The following WDR49 variants were observed in gnomAD, a reference collection of about 807,000 sequenced individuals.
WDR49 encodes cilia- and flagella-associated protein 337.
Under a neutral mutation model 119.5 loss-of-function variants are expected in WDR49, and 107 were observed. That is an observed-to-expected ratio of 0.90 (90% CI 0.77 to 1.05). The LOEUF is 1.05. Ranked by LOEUF, WDR49 falls within the 50% of genes least tolerant of loss-of-function variation. The pLI, the probability that WDR49 is intolerant of heterozygous loss-of-function variation, is 0.00. For synonymous variants in WDR49, 425 were observed against 418.8 expected (o/e 1.01, Z -0.18); for missense variants, 1,240 against 1,220.5 (o/e 1.02, Z -0.24).
intron 7 of WDR49, 61 bp downstream of exon 7, chr3:167,602,066 T>C (rs1337901924): frequency 6.6e-7 from 1 of 1,503,898 alleles, no homozygotes; most frequent in Non-Finnish European, 9.0e-7. Context: ...GATCCCAGAG[T>C]TGATTTGGGT....
At chr3:167,535,243 G>A (rs1311594940) in intron 11 of WDR49, among the ~76,000 whole-genome samples, 1 of 152,118 alleles carries the variant, frequency 6.6e-6, no homozygotes, top group Admixed American at 6.6e-5. Flanking sequence ...AGAAGAGCAA[G>A]TGCTGCTTCT....
intron 17 of WDR49, among the ~76,000 whole-genome samples, chr3:167,503,817 C>T (rs1314493569): frequency 6.6e-6 from 1 of 152,216 alleles, no homozygotes; most frequent in Non-Finnish European, 1.5e-5. Context: ...GCAGAGCTCC[C>T]ATACAAAGGG....
At chr3:167,546,713 T>C (rs1473564597) in intron 10 of WDR49, among the ~76,000 whole-genome samples, 1 of 135,948 alleles carries the variant, frequency 7.4e-6, no homozygotes. Flanking sequence ...AAAAGAAAAA[T>C]ATTTAAAACC....
chr3:167,568,167 C>T (rs560383261), intron 8 of WDR49, among the ~76,000 whole-genome samples: 2 of 152,236 alleles, frequency 1.3e-5, no homozygotes, highest in South Asian at 4.1e-4. Flanking sequence ...AGGCAGCAAT[C>T]CTTTCTTCTC....
intron 6 of WDR49, among the ~76,000 whole-genome samples, chr3:167,604,032 A>T (rs558007672): frequency 5.3e-4 from 81 of 152,086 alleles, no homozygotes; most frequent in South Asian, 2.5e-3. Context: ...TTCCTTCTCT[A>T]TATCATTTTA....
chr3:167,544,803 C>T (rs1187627223), intron 10 of WDR49, among the ~76,000 whole-genome samples: 1 of 151,748 alleles, frequency 6.6e-6, no homozygotes, highest in Non-Finnish European at 1.5e-5. Flanking sequence ...GACCAAGAAC[C>T]CAAAATCAAA....
At chr3:167,567,606 A>C (rs1218434752) in intron 8 of WDR49, among the ~76,000 whole-genome samples, 1 of 152,152 alleles carries the variant, frequency 6.6e-6, no homozygotes, top group Non-Finnish European at 1.5e-5. Flanking sequence ...CTCTACTCTG[A>C]TTCTTTTCCA....
At chr3:167,623,420 G>A (rs1291392308) in intron 3 of WDR49, among the ~76,000 whole-genome samples, 1 of 151,842 alleles carries the variant, frequency 6.6e-6, no homozygotes, top group Non-Finnish European at 1.5e-5. Context: ...TCATATTAAT[G>A]GAATAAAAGA....
Position 167,529,094 on chromosome 3 carries a change from G to A in WDR49, c.2364C>T (p.Thr788=), listed in dbSNP as rs1752747803. 1 of 1,601,784 alleles carries A rather than the reference G, an allele frequency of 6.2e-7. No homozygotes were observed. Among genetic ancestry groups the A allele is most frequent in the Non-Finnish European group, 8.5e-7 (1 of 1,176,166 alleles). Residue 788 remains threonine (T), a synonymous_variant, in exon 14 of 19, where the codon ACC becomes ACT. Transcript: ENST00000682715. ...TCAACCATCCATCAAGATCTCCTGT[G>A]GTAAGGTATCGATTCATCTTATCAG... The part of the protein sequence containing the change: ...MSTDKMNRYL[T]TGDLDGWLKI...
chr3:167,602,037 G>A (rs538378575), intron 7 of WDR49, 90 bp downstream of exon 7: 44 of 1,413,742 alleles, frequency 3.1e-5, no homozygotes, highest in Middle Eastern at 3.9e-4. Flanking sequence ...AAACTGACAC[G>A]ATCTCTCAGA....
At chr3:167,558,918 C>G (rs909405720) in intron 9 of WDR49, among the ~76,000 whole-genome samples, 4 of 152,164 alleles carry the variant, frequency 2.6e-5, no homozygotes, top group Non-Finnish European at 5.9e-5. Context: ...ACTCCAGGTC[C>G]AGTTATTTCC....
intron 18 of WDR49, among the ~76,000 whole-genome samples, chr3:167,488,490 G>T (rs1018945664): frequency 1.4e-4 from 21 of 151,930 alleles, no homozygotes; most frequent in Admixed American, 1.4e-3. Flanking sequence ...ACCTGCACAT[G>T]TGTTCCCTGT....
intron 4 of WDR49, 33 bp downstream of exon 4, chr3:167,621,434 C>T: frequency 2.1e-6 from 3 of 1,451,274 alleles, no homozygotes; most frequent in South Asian, 2.9e-5. Flanking sequence ...TGATTAAATC[C>T]ATAGTATTCA....
chr3:167,631,742 C>T (rs6807030), intron 2 of WDR49, among the ~76,000 whole-genome samples: 46,057 of 151,700 alleles, frequency 0.3, 7,354 homozygotes, highest in African/African-American at 0.42. Flanking sequence ...CACCAGAGAT[C>T]GTGAGAACTA....
At chr3:167,524,547 T>G (rs1169341079) in intron 15 of WDR49, among the ~76,000 whole-genome samples, 1 of 152,200 alleles carries the variant, frequency 6.6e-6, no homozygotes, top group East Asian at 1.9e-4. Flanking sequence ...AGGTTTTACA[T>G]TTAAGTCTTT....
intron 7 of WDR49, among the ~76,000 whole-genome samples, chr3:167,594,329 C>T (rs1715298916): frequency 6.6e-6 from 1 of 152,102 alleles, no homozygotes; most frequent in Non-Finnish European, 1.5e-5. Context: ...GAGGTGGTCT[C>T]AGATGGAGAT....
chr3:167,529,073 C>G lies in WDR49; in HGVS notation c.2385G>C (p.Trp795Cys), dbSNP rs1752746896. Residue 795 changes from tryptophan to cysteine, a missense_variant, in exon 14 of 19, where the codon TGG (tryptophan) becomes TGC (cysteine). Physicochemically the swap from Trp to Cys is radical, Grantham distance 215 (BLOSUM62 -2). Coordinates refer to ENST00000682715, the MANE Select transcript of WDR49 (RefSeq NM_001366157.1). ...RYLTTGDLDG[W>C]LKIWNIEEYC... ...TTACCTCTATATTCCAGATTTTCAA[C>G]CATCCATCAAGATCTCCTGTGGTAA... 1.3e-6 allele frequency: 2 copies of G among 1,583,098 alleles called. No individual in the cohort carries two copies. Among genetic ancestry groups the G allele is most frequent in the Non-Finnish European group, 1.7e-6 (2 of 1,169,522 alleles).
At chr3:167,549,168 T>A (rs1712394304) in intron 10 of WDR49, among the ~76,000 whole-genome samples, 1 of 152,210 alleles carries the variant, frequency 6.6e-6, no homozygotes. Flanking sequence ...CGCATGTGTC[T>A]TTATAGCAGC....
chr3:167,627,616 A>G (rs149849707), intron 2 of WDR49, among the ~76,000 whole-genome samples: 23 of 152,182 alleles, frequency 1.5e-4, no homozygotes, highest in African/African-American at 5.3e-4. Context: ...GGTTACCTCT[A>G]TTTAAGCTAG....
Sources: gnomAD v4.1 joint callset for allele counts (sites outside exome capture counted in the v4.1 genomes callset) on GRCh38, gnomAD v4.1.1 for gene constraint, MANE v1.5 for transcripts, NCBI Gene and HGNC (gene_info 2026-07-23, HGNC 2026-07-21) for gene names.